TFPI: variants seen among roughly 807,000 people sequenced by gnomAD.
The protein encoded by TFPI is anti-convertin.
TFPI carries 15 observed loss-of-function variants against 34.6 expected under a neutral mutation model. The observed-to-expected ratio is 0.43, with a 90% CI of 0.29 to 0.67. TFPI has a LOEUF of 0.67. TFPI is among the 30% of genes least tolerant of loss of function. TFPI has a pLI of 0.15. For missense variants in TFPI, 301 were observed against 364.0 expected, an observed-to-expected ratio of 0.83 and a Z score of 1.41; for synonymous variants, 105 against 120.1, an observed-to-expected ratio of 0.87 and a Z score of 0.82.
intron 6 of TFPI, among the ~76,000 whole-genome samples, chr2:187,482,901 A>G (rs1692980633): frequency 6.6e-6 from 1 of 151,882 alleles, no homozygotes; most frequent in East Asian, 1.9e-4. Flanking sequence ...TATTAAAAGC[A>G]CATATTATGC....
At chr2:187,546,533 G>A (rs964247285) in intron 1 of TFPI, among the ~76,000 whole-genome samples, 70 of 151,410 alleles carry the variant, frequency 4.6e-4, no homozygotes, top group Non-Finnish European at 2.9e-4. Context: ...CAAATGAAAG[G>A]AAATGGAATA....
chr2:187,552,711 A>G (rs986110394), intron 1 of TFPI, among the ~76,000 whole-genome samples: 1 of 152,026 alleles, frequency 6.6e-6, no homozygotes, highest in Admixed American at 6.6e-5. Flanking sequence ...AAACAAAGAA[A>G]CAAAACAAAA....
intron 1 of TFPI, 104 bp from the exon 2 acceptor site, chr2:187,503,874 C>A: frequency 2.4e-6 from 3 of 1,254,820 alleles, no homozygotes; most frequent in South Asian, 3.1e-5. Context: ...AATTTCTATG[C>A]CATTTTATGT....
chr2:187,520,228 C>T (rs1271008786), intron 1 of TFPI, among the ~76,000 whole-genome samples: 2 of 152,084 alleles, frequency 1.3e-5, no homozygotes, highest in Admixed American at 6.5e-5. Context: ...TTGGTGTCTG[C>T]ACAAATGGCT....
At chr2:187,504,877 ATAAT>A (rs764069605) in intron 1 of TFPI, among the ~76,000 whole-genome samples, 2 of 152,108 alleles carry the variant, frequency 1.3e-5, no homozygotes, top group Admixed American at 6.6e-5. Flanking sequence ...TAGCCATATA[ATAAT>A]TAAGTAATAA....
At chr2:187,506,234 C>A (rs1033770265) in intron 1 of TFPI, among the ~76,000 whole-genome samples, 3 of 151,992 alleles carry the variant, frequency 2.0e-5, no homozygotes, top group Non-Finnish European at 2.9e-5. Context: ...CTCCTCCCCC[C>A]ATAGTTCAGC....
intron 2 of TFPI, among the ~76,000 whole-genome samples, 180 bp downstream of exon 2, chr2:187,503,462 TACACAC>T (rs138349562): frequency 9.3e-4 from 133 of 142,316 alleles, no homozygotes; most frequent in South Asian, 2.3e-3. Context: ...CATGTGCATG[TACACAC>T]ACACACACAC....
At chr2:187,524,742 G>A (rs1687591963) in intron 1 of TFPI, among the ~76,000 whole-genome samples, 2 of 151,850 alleles carry the variant, frequency 1.3e-5, no homozygotes, top group African/African-American at 4.8e-5. Context: ...ATTTTTTAAA[G>A]GTATGAAATA....
intron 6 of TFPI, among the ~76,000 whole-genome samples, chr2:187,476,131 A>G (rs560563045): frequency 3.0e-4 from 45 of 152,308 alleles, no homozygotes; most frequent in African/African-American, 1.0e-3. Context: ...TCTAGAAACA[A>G]CCACACCAAA....
At chr2:187,478,933 G>T in intron 6 of TFPI, 1 of 677,764 alleles carries the variant, frequency 1.5e-6, no homozygotes, top group Non-Finnish European at 2.4e-6. Flanking sequence ...AAAAAATCTT[G>T]TAATCTAGAC....
intron 1 of TFPI, among the ~76,000 whole-genome samples, chr2:187,507,086 A>T (rs1212939007): frequency 6.6e-6 from 1 of 151,734 alleles, no homozygotes; most frequent in Non-Finnish European, 1.5e-5. Context: ...AGACCCCGGT[A>T]TGTGATGTTC....
At chr2:187,553,810 A>G (rs1358685845) in intron 1 of TFPI, among the ~76,000 whole-genome samples, 4 of 152,210 alleles carry the variant, frequency 2.6e-5, no homozygotes, top group Non-Finnish European at 5.9e-5. Context: ...AACAGTCTCT[A>G]TTTTATATGT....
intron 1 of TFPI, among the ~76,000 whole-genome samples, chr2:187,548,571 C>T (rs1008108297): frequency 6.6e-6 from 1 of 152,110 alleles, no homozygotes; most frequent in South Asian, 2.1e-4. Flanking sequence ...AAAGAGGTTT[C>T]CAGCACCTAT....
intron 1 of TFPI, among the ~76,000 whole-genome samples, chr2:187,506,200 A>G (rs13408875): frequency 0.4 from 61,244 of 151,612 alleles, 13,998 homozygotes; most frequent in African/African-American, 0.63. Flanking sequence ...GAAAACAGAG[A>G]TTTATAAAAC....
intron 1 of TFPI, among the ~76,000 whole-genome samples, chr2:187,505,924 A>AATGACTAT (rs148529575): frequency 1.3e-5 from 2 of 151,956 alleles, no homozygotes; most frequent in South Asian, 2.1e-4. Flanking sequence ...TAGACAGATA[A>AATGACTAT]ATGACTATAT....
intron 1 of TFPI, among the ~76,000 whole-genome samples, chr2:187,525,171 C>T (rs1280355146): frequency 2.6e-5 from 4 of 151,930 alleles, no homozygotes; most frequent in Non-Finnish European, 5.9e-5. Context: ...CCCTAATAGC[C>T]CTAACCTATA....
At chr2:187,539,639 A>T (rs1688462355) in intron 1 of TFPI, among the ~76,000 whole-genome samples, 1 of 152,190 alleles carries the variant, frequency 6.6e-6, no homozygotes, top group Non-Finnish European at 1.5e-5. Context: ...GAAGTAGAAA[A>T]TCCCTTCAGA....
intron 6 of TFPI, among the ~76,000 whole-genome samples, chr2:187,482,476 A>G (rs1559105387): frequency 6.6e-6 from 1 of 152,086 alleles, no homozygotes; most frequent in Non-Finnish European, 1.5e-5. Context: ...CGAACGAAGT[A>G]GTATTTAAAA....
At chr2:187,498,302 A>T (rs1409170252) in intron 2 of TFPI, among the ~76,000 whole-genome samples, 2 of 151,862 alleles carry the variant, frequency 1.3e-5, no homozygotes, top group African/African-American at 2.4e-5. Context: ...TTTTTGAAAC[A>T]GAAAATATGT....
Sources: gnomAD v4.1 joint callset for allele counts (sites outside exome capture counted in the v4.1 genomes callset) on GRCh38, gnomAD v4.1.1 for gene constraint, MANE v1.5 for transcripts, NCBI Gene and HGNC (gene_info 2026-07-23, HGNC 2026-07-21) for gene names.